Variants in QKI observed in about 807,000 individuals in gnomAD.
QKI encodes the protein QKI, KH domain containing RNA binding.
QKI carries 10 observed loss-of-function variants against 39.0 expected under a neutral mutation model. The ratio of observed to expected loss-of-function variants is 0.26; its 90% confidence interval spans 0.16 to 0.43. QKI has a LOEUF of 0.43. Ranked by LOEUF, QKI falls within the 20% of genes least tolerant of loss-of-function variation. The probability of loss-of-function intolerance (pLI) is 1.00; values close to 1 mark genes in which losing one functional copy is unlikely to be tolerated. For missense variants in QKI, 218 were observed against 428.0 expected (o/e 0.51, Z 4.33); for synonymous variants, 204 against 155.4 (o/e 1.31, Z -2.33).
In QKI at chr6:163,480,259, T is replaced by TCTC. The variant is rs1792972617; in HGVS notation, c.402+1363_402+1364insCTC. Among the ~76,000 whole-genome samples the TCTC allele has an allele frequency of 5.4e-5, 8 of 149,470 alleles. 1 individual carries two copies. The highest frequency in any genetic ancestry group is 2.0e-4 in the African/African-American group (8 of 40,588). On this transcript the variant is annotated intron_variant, in intron 3 of 7. Coordinates refer to ENST00000361752, the MANE Select transcript of QKI (RefSeq NM_006775.3). ...TCTGTCTGTCTGTCTGTCTGTCTCT[T>TCTC]TCTCTCTCTCTCTCTCTCTTTCTTC...
intron 3 of QKI, among the ~76,000 whole-genome samples, chr6:163,516,262 T>C (rs1426494847): frequency 1.3e-5 from 2 of 152,114 alleles, no homozygotes; most frequent in African/African-American, 4.8e-5. Flanking sequence ...TGGGGCCTTT[T>C]TTGGGAAAAA....
chr6:163,494,385 T>C lies in QKI; in HGVS notation c.402+15489T>C, dbSNP rs548347020. On this transcript the variant is annotated intron_variant, in intron 3 of 7. Coordinates refer to ENST00000361752, the MANE Select transcript of QKI (RefSeq NM_006775.3). The stretch of plus-strand genomic sequence containing the variant: ...ACTAAGGGACAACTGTAGTAACGTT[T>C]TGTTCATTTGTGTGTACACACAGTG... Among the ~76,000 whole-genome samples the C allele has an allele frequency of 1.4e-4, 21 of 152,350 alleles. No homozygotes were observed. In the South Asian group the frequency reaches 2.5e-3, roughly 18 times the overall value.
rs573878054 is a variant in QKI at position 163,520,529 on chromosome 6, A to G, written c.403-14453A>G. Among the ~76,000 whole-genome samples, 83 of 152,024 alleles carry G rather than the reference A, an allele frequency of 5.5e-4. 2 individuals are homozygous for G. Among genetic ancestry groups the G allele is most frequent in the Non-Finnish European group, 1.1e-3 (74 of 67,926 alleles). ...TTTTACCTGTTTTCAAAACTATAGA[A>G]AAAAAAAGGTGGTACGAGATTGTCC... On this transcript the variant is annotated intron_variant, in intron 3 of 7. Transcript: ENST00000361752.
intron 1 of QKI, among the ~76,000 whole-genome samples, chr6:163,422,377 T>A (rs905115882): frequency 3.3e-5 from 5 of 152,204 alleles, no homozygotes; most frequent in Non-Finnish European, 7.3e-5. Flanking sequence ...CATTATTTAT[T>A]ATAAGCAGAA....
chr6:163,476,561 G>C (rs1025724592), intron 2 of QKI, among the ~76,000 whole-genome samples: 1 of 152,180 alleles, frequency 6.6e-6, no homozygotes. Context: ...CTTTTCGTGG[G>C]TTATTTCAAT....
intron 4 of QKI, among the ~76,000 whole-genome samples, chr6:163,559,541 AC>A (rs1782866878): frequency 6.6e-6 from 1 of 152,118 alleles, no homozygotes; most frequent in South Asian, 2.1e-4. Flanking sequence ...GATCATACTT[AC>A]TTTTTGTTCA....
At chr6:163,528,348 T>G (rs1004409792) in intron 3 of QKI, among the ~76,000 whole-genome samples, 1 of 152,148 alleles carries the variant, frequency 6.6e-6, no homozygotes, top group Admixed American at 6.5e-5. Context: ...TTTCACTATT[T>G]TATGATGCTG....
At chr6:163,517,718 A>G (rs1201454996) in intron 3 of QKI, among the ~76,000 whole-genome samples, 1 of 152,180 alleles carries the variant, frequency 6.6e-6, no homozygotes, top group Non-Finnish European at 1.5e-5. Flanking sequence ...CAAGAAATGA[A>G]ATTCTGGAAA....
chr6:163,566,024 G>T lies in QKI; in HGVS notation c.935-697G>T. 2 of 1,597,432 alleles carry T rather than the reference G, an allele frequency of 1.3e-6. No homozygotes were observed. The highest frequency in any genetic ancestry group is 1.7e-6 in the Non-Finnish European group (2 of 1,168,056). On this transcript the variant is annotated intron_variant, in intron 6 of 7. Transcript: ENST00000361752. The stretch of plus-strand genomic sequence containing the variant: ...CTCATCAGATCTGAATTTAACAAAT[G>T]CTTAGTCTCAGCAGCCTCCGGGGGA...
chr6:163,530,617 T>A (rs1780789291), intron 3 of QKI, among the ~76,000 whole-genome samples: 1 of 152,224 alleles, frequency 6.6e-6, no homozygotes, highest in South Asian at 2.1e-4. Context: ...AGAATGAATA[T>A]GGCTTCATGG....
At chr6:163,512,413 G>A (rs574092165) in intron 3 of QKI, among the ~76,000 whole-genome samples, 81 of 152,176 alleles carry the variant, frequency 5.3e-4, no homozygotes, top group Non-Finnish European at 1.0e-3. Flanking sequence ...AATATAGAAA[G>A]TTCTAAAGTA....
At chr6:163,523,169 T>C (rs1780265441) in intron 3 of QKI, among the ~76,000 whole-genome samples, 2 of 152,234 alleles carry the variant, frequency 1.3e-5, no homozygotes, top group Admixed American at 6.5e-5. Flanking sequence ...GGTTCAGTTC[T>C]TTAGTTTTGT....
chr6:163,481,792 T>G (rs573410788), intron 3 of QKI, among the ~76,000 whole-genome samples: 4 of 152,322 alleles, frequency 2.6e-5, no homozygotes, highest in South Asian at 4.1e-4. Flanking sequence ...AAAACTATTA[T>G]GAACTTCTTG....
At chr6:163,563,840 G>A (rs1328445337) in intron 6 of QKI, 121 bp downstream of exon 6, 17 of 1,474,716 alleles carry the variant, frequency 1.2e-5, no homozygotes, top group Middle Eastern at 2.5e-4. Context: ...AGGGAAGACC[G>A]AAAACTAAAT....
chr6:163,425,857 G>C (rs1788364489), intron 1 of QKI, among the ~76,000 whole-genome samples: 1 of 152,060 alleles, frequency 6.6e-6, no homozygotes, highest in Admixed American at 6.6e-5. Context: ...GAAAATCTTA[G>C]GAATTCTTGA....
chr6:163,534,783 T>G (rs985032919), intron 3 of QKI, among the ~76,000 whole-genome samples, 199 bp from the exon 4 acceptor site: 1 of 152,210 alleles, frequency 6.6e-6, no homozygotes, highest in African/African-American at 2.4e-5. Context: ...AAATACTTGT[T>G]GGATTAATTA....
intron 4 of QKI, among the ~76,000 whole-genome samples, chr6:163,549,849 C>A (rs1173286722): frequency 2.0e-5 from 3 of 152,192 alleles, no homozygotes; most frequent in Non-Finnish European, 4.4e-5. Flanking sequence ...AAATTACCTT[C>A]TTTTACAATC....
intron 1 of QKI, among the ~76,000 whole-genome samples, chr6:163,438,126 C>T (rs537259444): frequency 2.0e-5 from 3 of 152,248 alleles, no homozygotes; most frequent in South Asian, 4.1e-4. Context: ...TGTGAGAAGT[C>T]ATTTGCAAAC....
At chr6:163,437,705 A>G (rs1431803060) in intron 1 of QKI, among the ~76,000 whole-genome samples, 1 of 152,182 alleles carries the variant, frequency 6.6e-6, no homozygotes, top group African/African-American at 2.4e-5. Flanking sequence ...TTGTTTAGAT[A>G]ACTATTTTAG....
Sources: allele counts gnomAD v4.1 joint callset (sites outside exome capture counted in the v4.1 genomes callset), GRCh38; gene constraint gnomAD v4.1.1; transcripts MANE v1.5; gene names NCBI Gene and HGNC (gene_info 2026-07-23, HGNC 2026-07-21).